TBC1D4: variants seen among roughly 807,000 people sequenced by gnomAD.
TBC1D4 encodes TBC (Tre-2, BUB2, CDC16) domain-containing protein.
A neutral mutation model predicts 142.5 loss-of-function variants in TBC1D4; 121 were observed. The observed-to-expected ratio is 0.85, with a 90% CI of 0.73 to 0.99. TBC1D4 has a LOEUF of 0.99. Ranked by LOEUF, TBC1D4 falls within the 50% of genes least tolerant of loss-of-function variation. The pLI, the probability that TBC1D4 is intolerant of heterozygous loss-of-function variation, is 0.00. For synonymous variants in TBC1D4, 630 were observed against 628.2 expected (o/e 1.00, Z -0.04); for missense variants, 1,475 against 1,606.6 (o/e 0.92, Z 1.40).
At chr13:75,369,660 C>A (rs938467459) in intron 1 of TBC1D4, among the ~76,000 whole-genome samples, 4 of 151,962 alleles carry the variant, frequency 2.6e-5, no homozygotes, top group African/African-American at 9.7e-5. Flanking sequence ...GATATGATAC[C>A]CCCTAGGTCT....
intron 1 of TBC1D4, among the ~76,000 whole-genome samples, chr13:75,383,905 T>C (rs1470114380): frequency 2.6e-5 from 4 of 152,160 alleles, no homozygotes; most frequent in South Asian, 2.1e-4. Flanking sequence ...CCTGGGTACA[T>C]GGCCTACCAG....
intron 11 of TBC1D4, among the ~76,000 whole-genome samples, chr13:75,320,913 G>A (rs1047911722): frequency 6.7e-6 from 1 of 149,142 alleles, no homozygotes; most frequent in African/African-American, 2.5e-5. Flanking sequence ...GGTGGCGGGC[G>A]CCTGTAGTCC....
rs535229919 is a variant in TBC1D4 at position 75,326,469 on chromosome 13, T to C, written c.1807-46A>G. 1.5e-5 allele frequency: 24 copies of C among 1,594,222 alleles called. No individual in the cohort carries two copies. In the African/African-American group the frequency reaches 1.9e-4, roughly 12 times the overall value. On this transcript the variant is annotated intron_variant, in intron 9 of 20. Coordinates refer to ENST00000377636, the MANE Select transcript of TBC1D4 (RefSeq NM_014832.5). ...AGCCCTTTATTTCCCACGTGGGTCATGGCAGACCTGCCAAAACACAGAGCT... is the reference window on the plus strand; with the variant it reads ...AGCCCTTTATTTCCCACGTGGGTCACGGCAGACCTGCCAAAACACAGAGCT...
chr13:75,475,432 C>T (rs1452807658), intron 1 of TBC1D4, among the ~76,000 whole-genome samples: 1 of 152,124 alleles, frequency 6.6e-6, no homozygotes, highest in Admixed American at 6.5e-5. Context: ...AAACTACCAG[C>T]CAGATATTTT....
chr13:75,374,258 A>G (rs1261300601), intron 1 of TBC1D4, among the ~76,000 whole-genome samples: 1 of 152,050 alleles, frequency 6.6e-6, no homozygotes, highest in Non-Finnish European at 1.5e-5. Context: ...CGATGACACC[A>G]TGACCTTTCA....
At chr13:75,302,584 C>G (rs1876691457) in intron 15 of TBC1D4, 183 bp from the exon 16 acceptor site, 3 of 672,634 alleles carry the variant, frequency 4.5e-6, no homozygotes, top group Non-Finnish European at 7.7e-6. Context: ...CTCTTGATGC[C>G]TTGCAAAAGA....
intron 1 of TBC1D4, among the ~76,000 whole-genome samples, chr13:75,385,048 A>G (rs1333992709): frequency 6.6e-6 from 1 of 152,210 alleles, no homozygotes; most frequent in Admixed American, 6.5e-5. Flanking sequence ...AGGAACAAAG[A>G]GGAACAAAGC....
chr13:75,320,867 C>CAAAAAAAAAAAAAAA (rs148657060), intron 11 of TBC1D4, among the ~76,000 whole-genome samples: 1 of 84,378 alleles, frequency 1.2e-5, no homozygotes, highest in South Asian at 4.3e-4. Context: ...ACTAAAAATA[C>CAAAAAAAAAAAAAAA]AAAAAAAAAA....
At chr13:75,465,973 A>G (rs1888150210) in intron 1 of TBC1D4, among the ~76,000 whole-genome samples, 2 of 152,152 alleles carry the variant, frequency 1.3e-5, no homozygotes, top group Admixed American at 1.3e-4. Flanking sequence ...CTGTTTTTCC[A>G]GACTGAACCA....
At chr13:75,411,809 A>G (rs971983695) in intron 1 of TBC1D4, among the ~76,000 whole-genome samples, 1 of 151,846 alleles carries the variant, frequency 6.6e-6, no homozygotes, top group Non-Finnish European at 1.5e-5. Context: ...AAGTGCTGGG[A>G]TTACAGGAGT....
Position 75,349,263 on chromosome 13 carries a change from TACTGA to T in TBC1D4, c.1310_1314del (p.Phe437TyrfsTer13), listed in dbSNP as rs1205698581. 3.7e-6 allele frequency: 6 copies of T among 1,613,946 alleles called. No individual in the cohort carries two copies. On this transcript the variant is annotated frameshift_variant, in exon 5 of 21. Transcript: ENST00000377636. LOFTEE classifies it high-confidence loss of function. ...TTGGCACTCTGCAGGGCAGCCGCCG[TACTGA>T]AGGCCTGTTTCAGAGTCAGCATTAC...
At chr13:75,473,356 G>A (rs1249362190) in intron 1 of TBC1D4, among the ~76,000 whole-genome samples, 2 of 152,164 alleles carry the variant, frequency 1.3e-5, no homozygotes, top group African/African-American at 4.8e-5. Flanking sequence ...ACAATTGTAA[G>A]ATACAAAAGA....
At chr13:75,476,362 T>C (rs550016623) in intron 1 of TBC1D4, among the ~76,000 whole-genome samples, 3 of 152,358 alleles carry the variant, frequency 2.0e-5, no homozygotes, top group East Asian at 3.9e-4. Context: ...GACTGTGATC[T>C]CATGAAATCA....
intron 8 of TBC1D4, among the ~76,000 whole-genome samples, chr13:75,332,012 C>G (rs2138036190): frequency 6.6e-6 from 1 of 152,316 alleles, no homozygotes; most frequent in Admixed American, 6.5e-5. Context: ...TGGCATCACT[C>G]TGGGAAACAA....
At chr13:75,383,382 T>A (rs1481554555) in intron 1 of TBC1D4, among the ~76,000 whole-genome samples, 9 of 152,188 alleles carry the variant, frequency 5.9e-5, no homozygotes, top group African/African-American at 2.2e-4. Context: ...ACAGAATTGA[T>A]CTTACCCTCA....
At chr13:75,320,188 T>A in intron 11 of TBC1D4, 151 bp from the exon 12 acceptor site, 1 of 768,714 alleles carries the variant, frequency 1.3e-6, no homozygotes, top group Non-Finnish European at 2.1e-6. Flanking sequence ...ACCTTTTTTT[T>A]TCACTGAATA....
intron 4 of TBC1D4, among the ~76,000 whole-genome samples, chr13:75,353,353 C>A (rs1472487080): frequency 6.6e-6 from 1 of 152,146 alleles, no homozygotes; most frequent in Non-Finnish European, 1.5e-5. Flanking sequence ...ACAGATGAAC[C>A]AGCACCTAGA....
chr13:75,479,376 C>A (rs1450537957), intron 1 of TBC1D4, among the ~76,000 whole-genome samples: 1 of 152,192 alleles, frequency 6.6e-6, no homozygotes, highest in Non-Finnish European at 1.5e-5. Context: ...ACTACCACTG[C>A]TCCCACTGGA....
At chr13:75,385,731 C>T (rs1318693399) in intron 1 of TBC1D4, among the ~76,000 whole-genome samples, 1 of 152,154 alleles carries the variant, frequency 6.6e-6, no homozygotes, top group Admixed American at 6.5e-5. Context: ...TCCTTTAATC[C>T]TCACAACTAT....
Sources: allele counts gnomAD v4.1 joint callset (sites outside exome capture counted in the v4.1 genomes callset), GRCh38; gene constraint gnomAD v4.1.1; transcripts MANE v1.5; gene names NCBI Gene and HGNC (gene_info 2026-07-23, HGNC 2026-07-21).